The following ECT2L variants were observed in gnomAD, a reference collection of about 807,000 sequenced individuals.
The protein encoded by ECT2L is epithelial cell-transforming sequence 2 oncogene-like.
In ECT2L, 126 loss-of-function variants were observed where a neutral mutation model predicts 122.8. The ratio of observed to expected loss-of-function variants is 1.03; its 90% confidence interval spans 0.89 to 1.19. The LOEUF (loss-of-function observed/expected upper bound fraction) is 1.19. ECT2L is among the 50% of genes most tolerant of loss of function. The pLI is 0.00. For missense variants in ECT2L, 1,012 were observed against 1,064.1 expected (o/e 0.95, Z 0.68); for synonymous variants, 385 against 381.8 (o/e 1.01, Z -0.10).
At chr6:138,853,880 C>T (rs911328946) in intron 9 of ECT2L, 146 bp from the exon 10 acceptor site, 11 of 835,562 alleles carry the variant, frequency 1.3e-5, no homozygotes, top group African/African-American at 5.1e-5. Context: ...CAACATGGTA[C>T]GGGAGGAAGC....
chr6:138,902,731 G>C lies in ECT2L; in HGVS notation c.*104G>C. On this transcript the variant is annotated 3_prime_UTR_variant, in exon 22 of 22. Transcript: ENST00000541398. ...CAGTAAGAAACAGAATAACTGTCAT[G>C]GATGATGAGATAAACTAAGATGACC... is the stretch of plus-strand genomic sequence containing the variant. The C allele has an allele frequency of 7.3e-7, 1 of 1,364,576 alleles. No individual in the cohort carries two copies. Among genetic ancestry groups the C allele is most frequent in the Non-Finnish European group, 1.0e-6 (1 of 981,432 alleles). The allele number at this position is 1,364,576 out of a possible 1,614,324, so 84.5% of individuals were successfully genotyped here.
chr6:138,892,156 G>A (rs569395194), intron 20 of ECT2L, among the ~76,000 whole-genome samples: 5 of 152,044 alleles, frequency 3.3e-5, no homozygotes, highest in Admixed American at 3.3e-4. Context: ...TTTGTCCCTG[G>A]TCTTTTTTCT....
intron 7 of ECT2L, among the ~76,000 whole-genome samples, chr6:138,845,176 A>G (rs1777177742): frequency 6.6e-6 from 1 of 152,034 alleles, no homozygotes; most frequent in South Asian, 2.1e-4. Flanking sequence ...ATTCAATTCT[A>G]TCTGACATTC....
At chr6:138,882,586 T>G (rs1260580924) in intron 15 of ECT2L, 138 bp from the exon 16 acceptor site, 4 of 1,014,988 alleles carry the variant, frequency 3.9e-6, no homozygotes, top group Non-Finnish European at 5.7e-6. Flanking sequence ...CACTTCTCTG[T>G]GTTAGGAAGA....
At chr6:138,817,961 G>A (rs1474765591) in intron 4 of ECT2L, among the ~76,000 whole-genome samples, 1 of 152,150 alleles carries the variant, frequency 6.6e-6, no homozygotes, top group Non-Finnish European at 1.5e-5. Flanking sequence ...CTCCTTAAAG[G>A]AAACTGGGCT....
intron 4 of ECT2L, among the ~76,000 whole-genome samples, chr6:138,836,917 G>A (rs908838713): frequency 1.3e-5 from 2 of 151,952 alleles, no homozygotes; most frequent in African/African-American, 2.4e-5. Flanking sequence ...GTGTCAAAAT[G>A]TTCCAGACCC....
chr6:138,849,220 T>C (rs1205824008), intron 8 of ECT2L, 49 bp from the exon 9 acceptor site: 4 of 1,449,740 alleles, frequency 2.8e-6, no homozygotes, highest in Non-Finnish European at 3.7e-6. Context: ...TTAATAAATA[T>C]TCTAAAATAG....
intron 4 of ECT2L, among the ~76,000 whole-genome samples, chr6:138,824,541 T>TAAAAAAAAAAAAAAAAAAAA (rs147704560): frequency 8.2e-6 from 1 of 121,308 alleles, no homozygotes; most frequent in African/African-American, 3.0e-5. Flanking sequence ...AAAAAAGCAA[T>TAAAAAAAAAAAAAAAAAAAA]AAAAAAAAAA....
chr6:138,862,712 C>A lies in ECT2L; in HGVS notation c.1284C>A (p.Tyr428Ter). 3 of 1,613,972 alleles carry A rather than the reference C, an allele frequency of 1.9e-6. No homozygotes were observed. The highest frequency in any genetic ancestry group is 1.1e-5 in the South Asian group (1 of 91,084). ...TAPTGIATGS[Y>*]QHILSDWLGS... The stretch of plus-strand genomic sequence containing the variant: ...CCACTGGGATTGCAACTGGCTCTTA[C>A]CAGCACAGTAAGTGTTATGGGAGCT... The change falls in exon 11 of 22, where the codon TAC becomes TAA. Residue 428 changes from tyrosine (Y) to a stop codon, truncating the protein, a stop_gained. Coordinates refer to ENST00000541398, the MANE Select transcript of ECT2L (RefSeq NM_001077706.3). LOFTEE classifies it high-confidence loss of function.
chr6:138,800,040 T>C (rs1775488224), intron 1 of ECT2L, among the ~76,000 whole-genome samples: 1 of 152,192 alleles, frequency 6.6e-6, no homozygotes, highest in African/African-American at 2.4e-5. Flanking sequence ...TTTGATCTTG[T>C]TACTTAGCAT....
chr6:138,829,884 G>T (rs6912344), intron 4 of ECT2L, among the ~76,000 whole-genome samples: 17,283 of 151,866 alleles, frequency 0.11, 1,219 homozygotes, highest in East Asian at 0.27. Flanking sequence ...CACCATGCCC[G>T]GCTAATTTTT....
At chr6:138,887,071 C>A in intron 19 of ECT2L, 149 bp downstream of exon 19, 2 of 685,406 alleles carry the variant, frequency 2.9e-6, no homozygotes, top group South Asian at 3.4e-5. Context: ...CATTTCACAT[C>A]CTTGTTACCT....
chr6:138,846,701 C>A, intron 8 of ECT2L, 24 bp downstream of exon 8: 1 of 1,460,510 alleles, frequency 6.8e-7, no homozygotes, highest in Non-Finnish European at 9.1e-7. Flanking sequence ...TGAGGCCAGT[C>A]CTGTCCTGAT....
Position 138,849,262 on chromosome 6 carries a change from T to C in ECT2L, c.904-7T>C, listed in dbSNP as rs1293429953. ...TTGGCTCTTACAGCTTTGGTTTCATTCTCCAGATGGTGATGGAGAGTGTGA... is the reference window on the plus strand; with the variant it reads ...TTGGCTCTTACAGCTTTGGTTTCATCCTCCAGATGGTGATGGAGAGTGTGA... On this transcript the variant is annotated splice_region_variant and splice_polypyrimidine_tract_variant and intron_variant, in intron 8 of 21. Transcript: ENST00000541398. 6.3e-7 allele frequency: 1 copy of C among 1,594,036 alleles called. No homozygotes were observed. Among genetic ancestry groups the C allele is most frequent in the Non-Finnish European group, 8.5e-7 (1 of 1,171,746 alleles).
At chr6:138,827,324 G>A (rs565883512) in intron 4 of ECT2L, among the ~76,000 whole-genome samples, 1 of 152,016 alleles carries the variant, frequency 6.6e-6, no homozygotes, top group East Asian at 1.9e-4. Context: ...CTCCAACCTG[G>A]GCAACAGGGT....
chr6:138,806,821 C>A (rs1429987711), intron 1 of ECT2L, among the ~76,000 whole-genome samples: 1 of 152,004 alleles, frequency 6.6e-6, no homozygotes, highest in Non-Finnish European at 1.5e-5. Context: ...CCACGCATAG[C>A]TTTTGACCTC....
intron 20 of ECT2L, among the ~76,000 whole-genome samples, chr6:138,893,110 T>C (rs1779086911): frequency 6.6e-6 from 1 of 152,090 alleles, no homozygotes; most frequent in South Asian, 2.1e-4. Flanking sequence ...TATAGTTCTA[T>C]GATCAATTTT....
intron 1 of ECT2L, among the ~76,000 whole-genome samples, chr6:138,799,826 C>T (rs1483611402): frequency 1.3e-5 from 2 of 152,178 alleles, no homozygotes; most frequent in African/African-American, 4.8e-5. Context: ...GCCTGGATTA[C>T]AAGTGTGAGC....
intron 4 of ECT2L, chr6:138,823,513 A>G (rs1776335309): frequency 6.3e-7 from 1 of 1,588,934 alleles, no homozygotes; most frequent in African/African-American, 1.4e-5. Flanking sequence ...CAACTGCCTT[A>G]TAACATTGTC....
Sources: allele counts gnomAD v4.1 joint callset (sites outside exome capture counted in the v4.1 genomes callset), GRCh38; gene constraint gnomAD v4.1.1; transcripts MANE v1.5; gene names NCBI Gene and HGNC (gene_info 2026-07-23, HGNC 2026-07-21).